The following RBFOX1 variants were observed in gnomAD, a reference collection of about 807,000 sequenced individuals.
RBFOX1 encodes the protein RNA binding fox-1 homolog 1.
A neutral mutation model predicts 57.7 loss-of-function variants in RBFOX1; 8 were observed. That is an observed-to-expected ratio of 0.14 (90% CI 0.08 to 0.25). The LOEUF (loss-of-function observed/expected upper bound fraction) is 0.25. RBFOX1 is among the 10% of genes least tolerant of loss of function. The probability of loss-of-function intolerance (pLI) is 1.00; values close to 1 mark genes in which losing one functional copy is unlikely to be tolerated. For missense variants in RBFOX1, 611 were observed against 548.5 expected (o/e 1.11, Z -1.14); for synonymous variants, 326 against 222.4 (o/e 1.47, Z -4.15).
At chr16:7,510,904 G>T (rs989892284) in intron 4 of RBFOX1, among the ~76,000 whole-genome samples, 2 of 152,116 alleles carry the variant, frequency 1.3e-5, no homozygotes, top group African/African-American at 4.8e-5. Context: ...CAATTCCTGT[G>T]CATGTCTTCA....
chr16:6,605,329 G>A (rs1023977048), intron 2 of RBFOX1, among the ~76,000 whole-genome samples: 16 of 152,128 alleles, frequency 1.1e-4, no homozygotes, highest in African/African-American at 3.9e-4. Flanking sequence ...CAACATGTTA[G>A]CTTTTACAGG....
At chr16:7,399,194 T>A (rs1268170062) in intron 4 of RBFOX1, among the ~76,000 whole-genome samples, 4 of 152,228 alleles carry the variant, frequency 2.6e-5, no homozygotes, top group Non-Finnish European at 4.4e-5. Context: ...ACGCCTGTTA[T>A]CCCAACATTT....
In RBFOX1 at chr16:7,426,129, G is replaced by T. The variant is rs575645741; in HGVS notation, c.28-92018G>T. On this transcript the variant is annotated intron_variant, in intron 4 of 15. Transcript: ENST00000550418. ...TACTCAGGAAAAAGCCAGCGTGCAGGCTCTTGGCCCACCCTTGCCTAGGCA... is the reference window on the plus strand; with the variant it reads ...TACTCAGGAAAAAGCCAGCGTGCAGTCTCTTGGCCCACCCTTGCCTAGGCA... Among the ~76,000 whole-genome samples the T allele has an allele frequency of 8.9e-4, 136 of 152,320 alleles. 1 individual carries two copies. Among genetic ancestry groups the T allele is most frequent in the African/African-American group, 3.1e-3 (129 of 41,580 alleles).
At chr16:7,141,364 G>T (rs2073737769) in intron 4 of RBFOX1, among the ~76,000 whole-genome samples, 1 of 152,114 alleles carries the variant, frequency 6.6e-6, no homozygotes, top group Admixed American at 6.5e-5. Context: ...AAGACAGATA[G>T]GACCCCTTCT....
At chr16:5,597,192 G>T (rs1000155070) in intron 2 of RBFOX1, among the ~76,000 whole-genome samples, 16 of 151,818 alleles carry the variant, frequency 1.1e-4, no homozygotes, top group African/African-American at 3.9e-4. Flanking sequence ...ATCTGTGTCT[G>T]TCTATATCTT....
chr16:6,973,322 C>T (rs533124887), intron 3 of RBFOX1, among the ~76,000 whole-genome samples: 3 of 152,110 alleles, frequency 2.0e-5, no homozygotes, highest in Non-Finnish European at 4.4e-5. Flanking sequence ...TAAAGCTCAG[C>T]TTTGTTGTCA....
intron 2 of RBFOX1, among the ~76,000 whole-genome samples, chr16:5,519,812 G>GT (rs1387740220): frequency 2.6e-5 from 4 of 152,118 alleles, no homozygotes; most frequent in Non-Finnish European, 4.4e-5. Flanking sequence ...TCAGTGCCTT[G>GT]TTTTTTCTTT....
At chr16:5,677,016 T>C (rs541107786) in intron 3 of RBFOX1, among the ~76,000 whole-genome samples, 18 of 152,228 alleles carry the variant, frequency 1.2e-4, no homozygotes, top group Non-Finnish European at 2.1e-4. Flanking sequence ...ATCTCAGTTT[T>C]CCTTTTTCTT....
In RBFOX1 at chr16:6,830,268, T is replaced by TG. The variant is rs2092610818; in HGVS notation, c.-16+175619dup. The stretch of plus-strand genomic sequence containing the variant: ...GACATCAGTATCTAAGAAAAGATTG[T>TG]GCATTCTGATATACACAACAGGGAA... On this transcript the variant is annotated intron_variant, in intron 3 of 15. Transcript: ENST00000550418. Among the ~76,000 whole-genome samples the TG allele has an allele frequency of 5.3e-5, 8 of 152,338 alleles. No individual in the cohort carries two copies. In the South Asian group the frequency reaches 1.7e-3, roughly 32 times the overall value.
At chr16:7,598,162 T>C (rs1410675145) in intron 9 of RBFOX1, among the ~76,000 whole-genome samples, 1 of 152,166 alleles carries the variant, frequency 6.6e-6, no homozygotes, top group Non-Finnish European at 1.5e-5. Flanking sequence ...CCTGCCACTG[T>C]GTTAATCACA....
intron 4 of RBFOX1, among the ~76,000 whole-genome samples, chr16:7,387,627 C>CGCT (rs1158591259): frequency 6.6e-6 from 1 of 152,058 alleles, no homozygotes; most frequent in Non-Finnish European, 1.5e-5. Flanking sequence ...TTGCAAAAGC[C>CGCT]GCTGTGTGTT....
At chr16:5,538,606 G>A (rs888652764) in intron 2 of RBFOX1, among the ~76,000 whole-genome samples, 4 of 144,490 alleles carry the variant, frequency 2.8e-5, no homozygotes, top group Non-Finnish European at 6.0e-5. Context: ...GGCCTTTTCT[G>A]GCTTTATTTC....
At chr16:7,701,940 T>C (rs570232848) in intron 14 of RBFOX1, among the ~76,000 whole-genome samples, 4 of 152,296 alleles carry the variant, frequency 2.6e-5, no homozygotes, top group East Asian at 3.9e-4. Flanking sequence ...CCAGGGTGCA[T>C]GGCCTGAGGT....
intron 2 of RBFOX1, among the ~76,000 whole-genome samples, chr16:6,610,350 C>T (rs1251662846): frequency 6.6e-6 from 1 of 152,078 alleles, no homozygotes; most frequent in Non-Finnish European, 1.5e-5. Context: ...TAGAGGAAGA[C>T]AGAGTATCCC....
intron 4 of RBFOX1, among the ~76,000 whole-genome samples, chr16:5,998,390 T>G (rs534168714): frequency 3.9e-5 from 6 of 152,326 alleles, no homozygotes; most frequent in African/African-American, 1.2e-4. Flanking sequence ...GAGTGAGGAA[T>G]TATCAAAAAA....
chr16:7,010,485 G>C (rs1281607986), intron 3 of RBFOX1, among the ~76,000 whole-genome samples: 1 of 152,104 alleles, frequency 6.6e-6, no homozygotes, highest in Non-Finnish European at 1.5e-5. Flanking sequence ...CTGGTGGCCA[G>C]TGAAGGAGAT....
At chr16:6,218,297 A>G (rs926642438) in intron 1 of RBFOX1, among the ~76,000 whole-genome samples, 2 of 151,718 alleles carry the variant, frequency 1.3e-5, no homozygotes, top group Non-Finnish European at 2.9e-5. Flanking sequence ...TTATTTATTT[A>G]TTTATTTACT....
intron 2 of RBFOX1, among the ~76,000 whole-genome samples, chr16:6,640,498 C>A (rs1307945241): frequency 6.6e-6 from 1 of 152,014 alleles, no homozygotes; most frequent in Non-Finnish European, 1.5e-5. Context: ...ATCCCAGGTA[C>A]TTGGGAGGCT....
At chr16:6,286,976 C>G (rs1400624137) in intron 1 of RBFOX1, among the ~76,000 whole-genome samples, 1 of 152,032 alleles carries the variant, frequency 6.6e-6, no homozygotes, top group Non-Finnish European at 1.5e-5. Flanking sequence ...AGGAATCAAT[C>G]AAGAGTGAAT....
Sources: gnomAD v4.1 joint callset for allele counts (sites outside exome capture counted in the v4.1 genomes callset) on GRCh38, gnomAD v4.1.1 for gene constraint, MANE v1.5 for transcripts, NCBI Gene and HGNC (gene_info 2026-07-23, HGNC 2026-07-21) for gene names.